Variants in TMEM45B observed in about 807,000 individuals in gnomAD.
TMEM45B encodes transmembrane protein 45B.
In TMEM45B, 29 loss-of-function variants were observed where a neutral mutation model predicts 27.3. That is an observed-to-expected ratio of 1.06 (90% confidence interval 0.79 to 1.45). The LOEUF is 1.45. TMEM45B is among the 40% of genes most tolerant of loss of function. TMEM45B has a pLI of 0.00. For synonymous variants in TMEM45B, 143 were observed against 134.7 expected, an observed-to-expected ratio of 1.06 and a Z score of -0.43; for missense variants, 348 against 343.9, an observed-to-expected ratio of 1.01 and a Z score of -0.09.
chr11:129,852,795 A>G, intron 2 of TMEM45B, 135 bp downstream of exon 2: 10 of 885,776 alleles, frequency 1.1e-5, no homozygotes, highest in Non-Finnish European at 1.7e-5. Flanking sequence ...TGGCCACTAG[A>G]CTATTTTATC....
In TMEM45B at chr11:129,852,556, A is replaced by G. The variant is rs139399077; in HGVS notation, c.74A>G (p.Tyr25Cys). The G allele has an allele frequency of 2.2e-5, 36 of 1,613,792 alleles. No homozygotes were observed. The highest frequency in any genetic ancestry group is 3.0e-5 in the Non-Finnish European group (35 of 1,179,848). ...ATTGGGCTGTGTTGGTCAGTGAAGT[A>G]CCCGCTGAAGTACTTTAGCCACACG... ...LIIGLCWSVK[Y>C]PLKYFSHTRK... The change falls in exon 2 of 6, where the codon TAC (tyrosine) becomes TGC (cysteine). Residue 25 changes from tyrosine to cysteine, a missense_variant. Physicochemically the swap from Tyr to Cys is radical, Grantham distance 194. Transcript: ENST00000281441.
intron 1 of TMEM45B, among the ~76,000 whole-genome samples, chr11:129,835,331 C>T (rs1385577199): frequency 2.6e-5 from 4 of 152,182 alleles, no homozygotes; most frequent in Non-Finnish European, 5.9e-5. Flanking sequence ...CTCAGCAAGT[C>T]GGGAACAGAG....
chr11:129,833,028 G>C (rs1028485957), intron 1 of TMEM45B, among the ~76,000 whole-genome samples: 13 of 152,104 alleles, frequency 8.5e-5, no homozygotes, highest in South Asian at 6.2e-4. Context: ...GATCACCTGA[G>C]GTCAGGAGTT....
intron 1 of TMEM45B, chr11:129,827,212 G>C (rs1281966964): frequency 6.6e-6 from 1 of 152,240 alleles, no homozygotes; most frequent in African/African-American, 2.4e-5. Flanking sequence ...GGTGCTTAAC[G>C]ACAGGGACAT....
At chr11:129,835,213 T>A (rs1947605883) in intron 1 of TMEM45B, among the ~76,000 whole-genome samples, 1 of 152,170 alleles carries the variant, frequency 6.6e-6, no homozygotes, top group Non-Finnish European at 1.5e-5. Context: ...TCTCCATCTA[T>A]CCATTCTACA....
intron 1 of TMEM45B, among the ~76,000 whole-genome samples, chr11:129,847,333 C>T (rs902482663): frequency 2.0e-5 from 3 of 152,102 alleles, no homozygotes; most frequent in Non-Finnish European, 4.4e-5. Context: ...GAGGCTGTTG[C>T]TTTTCACTAT....
intron 2 of TMEM45B, among the ~76,000 whole-genome samples, chr11:129,854,246 G>C (rs566579993): frequency 1.3e-5 from 2 of 152,202 alleles, no homozygotes; most frequent in African/African-American, 4.8e-5. Flanking sequence ...ACTTGGCAGG[G>C]AAGCCCAGAG....
chr11:129,852,620 G>A lies in TMEM45B; in HGVS notation c.138G>A (p.Glu46=). The change falls in exon 2 of 6, where the codon GAG becomes GAA. Residue 46 remains glutamate, a synonymous_variant. Transcript: ENST00000281441. ...CACTACATTACTATCAGCGTCTCGA[G>A]ATCGTCGAAGCCGCAATTAGGACTT... ...NSPLHYYQRL[E]IVEAAIRTLF... is the part of the protein sequence containing the mutation. 1.2e-6 allele frequency: 2 copies of A among 1,612,412 alleles called. No individual in the cohort carries two copies. The highest frequency in any genetic ancestry group is 2.2e-5 in the South Asian group (2 of 91,038).
intron 1 of TMEM45B, among the ~76,000 whole-genome samples, chr11:129,840,620 C>T (rs59992343): frequency 0.26 from 39,796 of 151,970 alleles, 5,915 homozygotes; most frequent in East Asian, 0.35. Context: ...CAGTGGCTCA[C>T]GTCTGTAATC....
rs143254724 is a variant in TMEM45B at position 129,855,865 on chromosome 11, C to A, written c.543C>A (p.Ile181=). ...IVLELFRTSL[I]ILQGTWFWQI... ...TGGAACTTTTCCGAACCAGTCTCAT[C>A]ATTCTTCAGGGAACCTGGTTCTGGC... The change falls in exon 4 of 6, where the codon ATC becomes ATA. Residue 181 remains isoleucine, a synonymous_variant. Coordinates refer to ENST00000281441, the MANE Select transcript of TMEM45B (RefSeq NM_138788.5). The A allele has an allele frequency of 2.2e-4, 351 of 1,614,172 alleles. 3 individuals carry two copies. In the East Asian group the frequency reaches 5.9e-3, roughly 27 times the overall value.
rs1222130075 is a variant in TMEM45B at position 129,854,667 on chromosome 11, A to C, written c.236A>C (p.Asn79Thr). The C allele has an allele frequency of 2.2e-5, 35 of 1,614,210 alleles. No homozygotes were observed. Among genetic ancestry groups the C allele is most frequent in the Non-Finnish European group, 3.0e-5 (35 of 1,180,034 alleles). The change falls in exon 3 of 6, where the codon AAC becomes ACC. Residue 79 changes from asparagine (N) to threonine (T), a missense_variant. Asn to Thr is a moderately conservative substitution (Grantham distance 65). Transcript: ENST00000281441. Reference sequence around the variant, plus strand: ...CCCCACCTGCACCTCTACCATGAGAACCACTGGATAAAGTTAATGAATTGG... The same window carrying C: ...CCCCACCTGCACCTCTACCATGAGACCCACTGGATAAAGTTAATGAATTGG... ...DGPHLHLYHE[N>T]HWIKLMNWQH...
intron 1 of TMEM45B, among the ~76,000 whole-genome samples, chr11:129,839,691 T>C (rs1947666986): frequency 6.6e-6 from 1 of 152,030 alleles, no homozygotes; most frequent in Non-Finnish European, 1.5e-5. Context: ...AGGCGTGCCC[T>C]TCCATGCCCA....
chr11:129,820,000 C>T (rs1367877275), intron 1 of TMEM45B, among the ~76,000 whole-genome samples: 2 of 152,082 alleles, frequency 1.3e-5, no homozygotes, highest in African/African-American at 4.8e-5. Context: ...TTGAGACAGA[C>T]ACGTTGCCAA....
Position 129,854,638 on chromosome 11 carries a change from T to A in TMEM45B, c.207T>A (p.Asp69Glu), listed in dbSNP as rs760209531. Residue 69 changes from aspartate to glutamate, a missense_variant, in exon 3 of 6, where the codon GAT becomes GAA. Coordinates refer to ENST00000281441, the MANE Select transcript of TMEM45B (RefSeq NM_138788.5). ...TGILAEQFVPDGPHLHLYHEN... is the reference protein window; with the variant it reads ...TGILAEQFVPEGPHLHLYHEN... The stretch of plus-strand genomic sequence containing the variant: ...TCCTGGCAGAGCAGTTTGTTCCGGA[T>A]GGGCCCCACCTGCACCTCTACCATG... The A allele has an allele frequency of 5.0e-6, 8 of 1,614,116 alleles. No individual in the cohort carries two copies. The East Asian group carries it at 1.6e-4, about 31-fold the overall frequency.
chr11:129,848,673 A>G (rs540376041), intron 1 of TMEM45B, among the ~76,000 whole-genome samples: 1 of 152,326 alleles, frequency 6.6e-6, no homozygotes, highest in East Asian at 1.9e-4. Flanking sequence ...AATGCTTTAC[A>G]TTCCGGGGTG....
intron 1 of TMEM45B, among the ~76,000 whole-genome samples, chr11:129,837,631 G>C (rs1258583394): frequency 7.5e-6 from 1 of 133,806 alleles, no homozygotes; most frequent in East Asian, 2.2e-4. Context: ...GCCCAGGCTG[G>C]AGTGCAGTGA....
At chr11:129,824,703 C>T (rs1947458273) in intron 1 of TMEM45B, among the ~76,000 whole-genome samples, 5 of 152,206 alleles carry the variant, frequency 3.3e-5, no homozygotes, top group Non-Finnish European at 5.9e-5. Context: ...GGTCTCCACT[C>T]TTGAAGATTC....
At chr11:129,841,333 T>C (rs1591443438) in intron 1 of TMEM45B, among the ~76,000 whole-genome samples, 1 of 152,276 alleles carries the variant, frequency 6.6e-6, no homozygotes, top group East Asian at 1.9e-4. Context: ...TAGCTTGAGG[T>C]TGCAGCCCCA....
chr11:129,856,814 C>T (rs1384147027), intron 4 of TMEM45B, among the ~76,000 whole-genome samples: 1 of 151,580 alleles, frequency 6.6e-6, no homozygotes, highest in Non-Finnish European at 1.5e-5. Context: ...CCACCTCAGC[C>T]TCCCAAAGTG....
Sources: allele counts gnomAD v4.1 joint callset (sites outside exome capture counted in the v4.1 genomes callset), GRCh38; gene constraint gnomAD v4.1.1; transcripts MANE v1.5; gene names NCBI Gene and HGNC (gene_info 2026-07-23, HGNC 2026-07-21).